Variants in SLC7A10 observed in about 807,000 individuals in gnomAD.
The protein encoded by SLC7A10 is asc-type amino acid transporter 1.
SLC7A10 carries 30 observed loss-of-function variants against 52.7 expected under a neutral mutation model. The ratio of observed to expected loss-of-function variants is 0.57; its 90% CI spans 0.43 to 0.77. The LOEUF (loss-of-function observed/expected upper bound fraction) is 0.77. SLC7A10 is among the 30% of genes least tolerant of loss of function. The probability of loss-of-function intolerance (pLI) is 0.00; values close to 1 mark genes in which losing one functional copy is unlikely to be tolerated. For synonymous variants in SLC7A10, 318 were observed against 314.9 expected (o/e 1.01, Z -0.10); for missense variants, 581 against 698.5 (o/e 0.83, Z 1.90).
intron 1 of SLC7A10, among the ~76,000 whole-genome samples, chr19:33,223,648 G>T (rs1974861018): frequency 6.6e-6 from 1 of 152,072 alleles, no homozygotes; most frequent in Admixed American, 6.5e-5. Context: ...AATCCTCAAA[G>T]GCTCCCCGGG....
rs370588344 is a variant in SLC7A10, at chr19:33,212,307, A to G, written c.773T>C (p.Met258Thr). The change falls in exon 5 of 11, where the codon ATG becomes ACG. Residue 258 changes from methionine (M) to threonine (T), a missense_variant. Coordinates refer to ENST00000253188, the MANE Select transcript of SLC7A10 (RefSeq NM_019849.3). ...WNFLNYVTEE[M>T]VDARKNLPRA... is the part of the protein sequence containing the mutation. ...CCCCACTCACTTTCGGGCGTCAACCATCTCCTCGGTGACATAGTTGAGGAA... is the reference window on the plus strand; with the variant it reads ...CCCCACTCACTTTCGGGCGTCAACCGTCTCCTCGGTGACATAGTTGAGGAA... 18 of 1,610,032 alleles carry G rather than the reference A, an allele frequency of 1.1e-5. No individual in the cohort carries two copies. The highest frequency in any genetic ancestry group is 2.2e-5 in the South Asian group (2 of 90,444).
At position 33,212,684 on chromosome 19, in the gene SLC7A10, A is replaced by G. The variant is rs1214533830; in HGVS notation, c.509-45T>C. On this transcript the variant is annotated intron_variant, in intron 3 of 10. Coordinates refer to ENST00000253188, the MANE Select transcript of SLC7A10 (RefSeq NM_019849.3). ...GTGGGCGCCGAGGCCGGGACCTTTCACAGTGGACCATGGCCAAGTCCAGCC... is the reference window on the plus strand; with the variant it reads ...GTGGGCGCCGAGGCCGGGACCTTTCGCAGTGGACCATGGCCAAGTCCAGCC... The G allele has an allele frequency of 2.5e-6, 4 of 1,612,830 alleles. No individual in the cohort carries two copies. In the African/African-American group the frequency reaches 5.3e-5, roughly 22 times the overall value.
rs1974489008 is a variant in SLC7A10, at chr19:33,209,419, A to T, written c.1330T>A (p.Ser444Thr). 6.2e-7 allele frequency: 1 copy of T among 1,614,044 alleles called. No homozygotes were observed. The highest frequency in any genetic ancestry group is 8.5e-7 in the Non-Finnish European group (1 of 1,180,008). The change falls in exon 10 of 11, where the codon TCA (serine) becomes ACA (threonine). Residue 444 changes from serine (S) to threonine (T), a missense_variant. Coordinates refer to ENST00000253188, the MANE Select transcript of SLC7A10 (RefSeq NM_019849.3). ...WAFLLVFSFISEPMVCGVGVI... is the reference protein window; with the variant it reads ...WAFLLVFSFITEPMVCGVGVI... ...CCGACCCCACAGACCATAGGCTCTG[A>T]GATGAAGCTGAAGACCAGCAGGAAG...
intron 10 of SLC7A10, 104 bp downstream of exon 10, chr19:33,209,204 C>T: frequency 6.4e-7 from 1 of 1,550,806 alleles, no homozygotes; most frequent in Non-Finnish European, 8.8e-7. Context: ...GTGTTCCCAC[C>T]TCAGCTGCTA....
At chr19:33,223,032 G>A (rs1974845860) in intron 1 of SLC7A10, among the ~76,000 whole-genome samples, 2 of 152,032 alleles carry the variant, frequency 1.3e-5, no homozygotes, top group African/African-American at 4.8e-5. Flanking sequence ...CGTTGGCTGG[G>A]CAGGGTGGCT....
At position 33,210,711 on chromosome 19, in the gene SLC7A10, G is replaced by A; in HGVS notation, c.1113+91C>T. 2 of 1,607,026 alleles carry A rather than the reference G, an allele frequency of 1.2e-6. No individual in the cohort carries two copies. The highest frequency in any genetic ancestry group is 2.2e-5 in the South Asian group (2 of 90,862). ...GGCCCCACCCCCAACCCCCACCCTGGAATGGCTCACCCCTGCCATTACCCG... is the reference window on the plus strand; with the variant it reads ...GGCCCCACCCCCAACCCCCACCCTGAAATGGCTCACCCCTGCCATTACCCG... On this transcript the variant is annotated intron_variant, in intron 8 of 10. Coordinates refer to ENST00000253188, the MANE Select transcript of SLC7A10 (RefSeq NM_019849.3). This position sits in a 1 kb window ranked among gnomAD's most constrained non-coding sequence, Gnocchi z 5.6.
chr19:33,222,946 AG>A (rs1297145167), intron 1 of SLC7A10, among the ~76,000 whole-genome samples: 1 of 152,162 alleles, frequency 6.6e-6, no homozygotes, highest in Non-Finnish European at 1.5e-5. Context: ...AGGATCTCCT[AG>A]GAGGGTCGCT....
Position 33,210,639 on chromosome 19 carries a change from C to A in SLC7A10, c.1114-23G>T, listed in dbSNP as rs748291456. 6.2e-7 allele frequency: 1 copy of A among 1,610,312 alleles called. No individual in the cohort carries two copies. The highest frequency in any genetic ancestry group is 8.5e-7 in the Non-Finnish European group (1 of 1,179,904). On this transcript the variant is annotated intron_variant, in intron 8 of 10. Transcript: ENST00000253188. This position sits in a 1 kb window ranked among gnomAD's most constrained non-coding sequence, Gnocchi z 5.6. ...GCACTGGGAGAGGACCTGGGGCTGA[C>A]GGCTGGCCCCTAGCCTGCCTCCTGA... is the stretch of plus-strand genomic sequence containing the variant.
At position 33,210,788 on chromosome 19, in the gene SLC7A10, G is replaced by T. The variant is rs1568387961; in HGVS notation, c.1113+14C>A. The T allele has an allele frequency of 6.2e-7, 1 of 1,613,062 alleles. No individual in the cohort carries two copies. The highest frequency in any genetic ancestry group is 8.5e-7 in the Non-Finnish European group (1 of 1,179,722). On this transcript the variant is annotated intron_variant, in intron 8 of 10. Coordinates refer to ENST00000253188, the MANE Select transcript of SLC7A10 (RefSeq NM_019849.3). The surrounding 1 kb of genome is among the most constrained non-coding windows in gnomAD (Gnocchi z 5.6). ...TGCCTCCACGCCCTGCCTGGCCCAG[G>T]TCCCCCAACTTACACAGACGAGGAG...
Position 33,212,984 on chromosome 19 carries a change from G to C in SLC7A10, c.375C>G (p.Ser125Arg). The change falls in exon 3 of 11, where the codon AGC becomes AGG. Residue 125 changes from serine (S) to arginine (R), a missense_variant. By Grantham distance (110) the Ser-to-Arg change is moderately radical (BLOSUM62 -1). Transcript: ENST00000253188. ...GGLAGFLLLW[S>R]AVLIMYPTSL... is the part of the protein sequence containing the mutation. ...TGGTGGGGTACATGATGAGGACGGCGCTCCAGAGCAGCAGAAAGCTGGAAG... is the reference window on the plus strand; with the variant it reads ...TGGTGGGGTACATGATGAGGACGGCCCTCCAGAGCAGCAGAAAGCTGGAAG... 1 of 1,611,014 alleles carries C rather than the reference G, an allele frequency of 6.2e-7. No individual in the cohort carries two copies. The highest frequency in any genetic ancestry group is 1.1e-5 in the South Asian group (1 of 90,740).
Position 33,211,269 on chromosome 19 carries a change from C to T in SLC7A10, c.972G>A (p.Leu324=). The part of the protein sequence containing the change: ...FSWVMPVSVA[L]STFGGINGYL... ...AACCATTGATCCCTCCGAAGGTTGA[C>T]AGAGCCACGGAGACAGGCATGACCC... is the stretch of plus-strand genomic sequence containing the variant. Residue 324 remains leucine (L), a synonymous_variant, in exon 7 of 11, where the codon CTG becomes CTA. Coordinates refer to ENST00000253188, the MANE Select transcript of SLC7A10 (RefSeq NM_019849.3). 1.2e-6 allele frequency: 2 copies of T among 1,614,044 alleles called. No individual in the cohort carries two copies. Among genetic ancestry groups the T allele is most frequent in the Non-Finnish European group, 1.7e-6 (2 of 1,180,040 alleles).
At chr19:33,224,963 C>T (rs563464093) in intron 1 of SLC7A10, among the ~76,000 whole-genome samples, 98 of 152,336 alleles carry the variant, frequency 6.4e-4, no homozygotes, top group African/African-American at 2.3e-3. Flanking sequence ...GCTAACCCGC[C>T]CCCTCTCCTG....
At chr19:33,212,822 G>A (rs1974585959) in intron 3 of SLC7A10, 29 bp downstream of exon 3, 1 of 1,611,618 alleles carries the variant, frequency 6.2e-7, no homozygotes, top group Non-Finnish European at 8.5e-7. Flanking sequence ...TGGCTGATCT[G>A]GGGACAGTGG....
At chr19:33,215,626 ATCCACCCCCCACACC>A in intron 2 of SLC7A10, 128 bp downstream of exon 2, 1 of 306,852 alleles carries the variant, frequency 3.3e-6, no homozygotes, top group Non-Finnish European at 4.6e-6. Context: ...CCTTCTCTCC[ATCCACCCCCCACACC>A]TTCTCTCCAT....
intron 1 of SLC7A10, among the ~76,000 whole-genome samples, chr19:33,219,115 G>A (rs965555552): frequency 1.5e-4 from 23 of 152,058 alleles, no homozygotes; most frequent in African/African-American, 4.1e-4. Context: ...CTGTCCACCC[G>A]GTGGGATGAC....
chr19:33,212,697 G>C (rs1974582425), intron 3 of SLC7A10, 58 bp from the exon 4 acceptor site: 1 of 1,612,422 alleles, frequency 6.2e-7, no homozygotes. Context: ...GTGGACCATG[G>C]CCAAGTCCAG....
At chr19:33,221,918 A>G (rs1480485397) in intron 1 of SLC7A10, among the ~76,000 whole-genome samples, 2 of 152,158 alleles carry the variant, frequency 1.3e-5, no homozygotes, top group African/African-American at 4.8e-5. Flanking sequence ...CTGGGTCAGT[A>G]TGAGAGGCCC....
At position 33,215,771 on chromosome 19, in the gene SLC7A10, A is replaced by C; in HGVS notation, c.354T>G (p.Ala118=). 6.4e-7 allele frequency: 1 copy of C among 1,554,826 alleles called. No homozygotes were observed. The highest frequency in any genetic ancestry group is 1.2e-5 in the South Asian group (1 of 84,324). The stretch of plus-strand genomic sequence containing the variant: ...GCCCGCTGGTGCCCCACACTCACCC[A>C]GCCAGGCCCCCGAAGATCTCTGTGA... ...AYVTEIFGGL[A]GFLLLWSAVL... Residue 118 remains alanine, a splice_region_variant and synonymous_variant, in exon 2 of 11, where the codon GCT becomes GCG. Transcript: ENST00000253188.
chr19:33,220,263 G>C (rs908935974), intron 1 of SLC7A10: 1 of 152,226 alleles, frequency 6.6e-6, no homozygotes, highest in African/African-American at 2.4e-5. Context: ...GAGATGAGCG[G>C]AAGTGTGCGG....
Sources: gnomAD v4.1 joint callset for allele counts (sites outside exome capture counted in the v4.1 genomes callset) on GRCh38, gnomAD v4.1.1 for gene constraint, Gnocchi (gnomAD v3.1) non-coding constraint, MANE v1.5 for transcripts, NCBI Gene and HGNC (gene_info 2026-07-23, HGNC 2026-07-21) for gene names.